Variants in RBFOX1 observed in about 807,000 individuals in gnomAD.
RBFOX1 encodes the protein RNA binding protein fox-1 homolog 1.
RBFOX1 carries 8 observed loss-of-function variants against 57.7 expected under a neutral mutation model. The ratio of observed to expected loss-of-function variants is 0.14; its 90% CI spans 0.08 to 0.25. The LOEUF (loss-of-function observed/expected upper bound fraction) is 0.25. Among genes scored for constraint, RBFOX1 ranks in the 10% least tolerant of loss-of-function variants. RBFOX1 has a pLI of 1.00. For missense variants in RBFOX1, 611 were observed against 548.5 expected (o/e 1.11, Z -1.14); for synonymous variants, 326 against 222.4 (o/e 1.47, Z -4.15).
chr16:7,454,842 G>C (rs1038119120), intron 4 of RBFOX1, among the ~76,000 whole-genome samples: 1 of 152,198 alleles, frequency 6.6e-6, no homozygotes, highest in East Asian at 1.9e-4. Flanking sequence ...GGACAAGGAT[G>C]GACCTAGGCG....
intron 3 of RBFOX1, among the ~76,000 whole-genome samples, chr16:5,620,224 C>T (rs770214482): frequency 1.3e-5 from 2 of 152,102 alleles, no homozygotes; most frequent in African/African-American, 4.8e-5. Flanking sequence ...CTGGCATTAG[C>T]CCCGTTTTGT....
chr16:6,176,466 T>C (rs548262091), intron 1 of RBFOX1, among the ~76,000 whole-genome samples: 5 of 151,838 alleles, frequency 3.3e-5, no homozygotes, highest in Admixed American at 3.3e-4. Flanking sequence ...GCCTCAGGAT[T>C]GAGGAATTTA....
At position 7,124,169 on chromosome 16, in the gene RBFOX1, C is replaced by T. The variant is rs1014566730; in HGVS notation, c.27+72071C>T. On this transcript the variant is annotated intron_variant, in intron 4 of 15. Coordinates refer to ENST00000550418, the MANE Select transcript of RBFOX1 (RefSeq NM_018723.4). The stretch of plus-strand genomic sequence containing the variant: ...AATAAAAGCTGGTGGCATGGTGGCT[C>T]ACATCTGTAATGACAGCACTTCGGG... 5.9e-5 allele frequency among the ~76,000 whole-genome samples: 9 copies of T among 152,256 alleles called. No individual in the cohort carries two copies. In the South Asian group the frequency reaches 1.0e-3, roughly 18 times the overall value.
chr16:6,123,946 A>G (rs556278430), intron 1 of RBFOX1, among the ~76,000 whole-genome samples: 2 of 152,298 alleles, frequency 1.3e-5, no homozygotes, highest in Admixed American at 6.5e-5. Flanking sequence ...TTATATCACA[A>G]GAAAAAAATA....
Position 7,115,554 on chromosome 16 carries a change from C to T in RBFOX1, c.27+63456C>T, listed in dbSNP as rs1008296007. Among the ~76,000 whole-genome samples the T allele has an allele frequency of 2.0e-5, 3 of 152,166 alleles. 1 individual carries two copies. Among genetic ancestry groups the T allele is most frequent in the African/African-American group, 7.2e-5 (3 of 41,450 alleles). ...CTCTTTGAGGGGGACCTTCACTGAG[C>T]TCTCTCACCTGGCTGTTAGCAGGCT... On this transcript the variant is annotated intron_variant, in intron 4 of 15. Coordinates refer to ENST00000550418, the MANE Select transcript of RBFOX1 (RefSeq NM_018723.4).
intron 3 of RBFOX1, among the ~76,000 whole-genome samples, chr16:6,926,293 C>A (rs1436957263): frequency 6.6e-6 from 1 of 152,044 alleles, no homozygotes; most frequent in Non-Finnish European, 1.5e-5. Context: ...GGCAACAGAG[C>A]AAGACTCCAT....
chr16:6,181,844 T>A (rs1427768516), intron 1 of RBFOX1, among the ~76,000 whole-genome samples: 2 of 152,208 alleles, frequency 1.3e-5, no homozygotes, highest in African/African-American at 2.4e-5. Context: ...CATGGTCTGA[T>A]GTGAATTGGG....
intron 2 of RBFOX1, among the ~76,000 whole-genome samples, chr16:6,417,535 G>C (rs1344868027): frequency 6.7e-6 from 1 of 149,214 alleles, no homozygotes; most frequent in Admixed American, 6.8e-5. Flanking sequence ...GATTACAGGC[G>C]CCCACCACCA....
At chr16:6,725,661 T>C (rs1364302221) in intron 3 of RBFOX1, among the ~76,000 whole-genome samples, 1 of 152,216 alleles carries the variant, frequency 6.6e-6, no homozygotes, top group Non-Finnish European at 1.5e-5. Flanking sequence ...AATTTCTTAA[T>C]ACATTTGCTT....
intron 4 of RBFOX1, among the ~76,000 whole-genome samples, chr16:7,178,649 G>T (rs956394291): frequency 3.3e-5 from 5 of 152,070 alleles, no homozygotes; most frequent in Admixed American, 6.5e-5. Flanking sequence ...TTTAGACCTG[G>T]GGTCAGGCAC....
intron 4 of RBFOX1, among the ~76,000 whole-genome samples, chr16:7,177,487 A>G (rs891353625): frequency 1.1e-4 from 15 of 132,378 alleles, no homozygotes; most frequent in African/African-American, 5.1e-4. Context: ...GTATGTATCA[A>G]TAAAAAAAAA....
In RBFOX1 at chr16:5,258,699, C is replaced by T. The variant is rs141689054; in HGVS notation, c.219+18594C>T. Among the ~76,000 whole-genome samples the T allele has an allele frequency of 2.5e-3, 382 of 152,192 alleles. 4 individuals are homozygous for T. Among genetic ancestry groups the T allele is most frequent in the African/African-American group, 8.5e-3 (353 of 41,520 alleles). ...TTGGGAGGCCAAGGTAGGCGGATCA[C>T]GAGGTCAAGAGTTCAAGACCATCCT... is the stretch of plus-strand genomic sequence containing the variant. On this transcript the variant is annotated intron_variant, in intron 1 of 2. Coordinates refer to the RBFOX1 transcript ENST00000585867.
At chr16:7,600,810 G>C (rs1038347141) in intron 9 of RBFOX1, among the ~76,000 whole-genome samples, 1 of 152,118 alleles carries the variant, frequency 6.6e-6, no homozygotes, top group African/African-American at 2.4e-5. Context: ...CATTATAGAG[G>C]GTTACAGTTA....
At chr16:6,574,779 C>G (rs912359111) in intron 2 of RBFOX1, among the ~76,000 whole-genome samples, 25 of 148,402 alleles carry the variant, frequency 1.7e-4, no homozygotes, top group African/African-American at 5.2e-4. Context: ...TGGCTCACGC[C>G]TGTAATCCCA....
intron 3 of RBFOX1, among the ~76,000 whole-genome samples, chr16:6,815,112 A>G (rs1004810790): frequency 2.0e-5 from 3 of 152,160 alleles, no homozygotes; most frequent in South Asian, 2.1e-4. Context: ...ATTTCCGACC[A>G]TATAGCGTAA....
chr16:5,643,977 G>C (rs1028242397), intron 3 of RBFOX1, among the ~76,000 whole-genome samples: 4 of 151,914 alleles, frequency 2.6e-5, no homozygotes, highest in Non-Finnish European at 2.9e-5. Flanking sequence ...TTTTCAAAAG[G>C]GCCCGCTGTT....
chr16:7,297,971 A>C (rs542581473), intron 4 of RBFOX1, among the ~76,000 whole-genome samples: 2 of 152,134 alleles, frequency 1.3e-5, no homozygotes, highest in South Asian at 2.1e-4. Context: ...GTGGATGTCT[A>C]TATGCATCCA....
chr16:6,949,121 A>G (rs1237679299), intron 3 of RBFOX1, among the ~76,000 whole-genome samples: 1 of 152,202 alleles, frequency 6.6e-6, no homozygotes, highest in Non-Finnish European at 1.5e-5. Flanking sequence ...GACTTTTTTT[A>G]AAACATGGAT....
intron 4 of RBFOX1, among the ~76,000 whole-genome samples, chr16:5,914,178 A>C (rs543403899): frequency 1.3e-5 from 2 of 152,382 alleles, no homozygotes; most frequent in South Asian, 2.1e-4. Context: ...AAAAGACGGA[A>C]AACTGTCTTC....
Sources: gnomAD v4.1 joint callset for allele counts (sites outside exome capture counted in the v4.1 genomes callset) on GRCh38, gnomAD v4.1.1 for gene constraint, MANE v1.5 for transcripts, NCBI Gene and HGNC (gene_info 2026-07-23, HGNC 2026-07-21) for gene names.